NAV1: variants seen among roughly 807,000 people sequenced by gnomAD.
NAV1 encodes the protein pore membrane and/or filament interacting like protein 3.
In NAV1, 18 loss-of-function variants were observed where a neutral mutation model predicts 175.2. That is an observed-to-expected ratio of 0.10 (90% CI 0.07 to 0.15). The LOEUF is 0.15. Ranked by LOEUF, NAV1 falls within the 10% of genes least tolerant of loss-of-function variation. NAV1 has a pLI of 1.00. For missense variants in NAV1, 1,731 were observed against 2,436.6 expected, an observed-to-expected ratio of 0.71 and a Z score of 6.10; for synonymous variants, 897 against 978.7, an observed-to-expected ratio of 0.92 and a Z score of 1.56.
chr1:201,543,186 A>T (rs1286082037), intron 1 of NAV1, among the ~76,000 whole-genome samples: 2 of 152,220 alleles, frequency 1.3e-5, no homozygotes, highest in African/African-American at 4.8e-5. Context: ...GTGAAAGCAG[A>T]CATCCTTCTC....
Position 201,568,867 on chromosome 1 carries a change from T to C in NAV1, c.-143-19672T>C, listed in dbSNP as rs552312000. 9.2e-5 allele frequency among the ~76,000 whole-genome samples: 14 copies of C among 152,072 alleles called. No homozygotes were observed. The South Asian group carries it at 2.9e-3, about 31-fold the overall frequency. On this transcript the variant is annotated intron_variant, in intron 1 of 33. Transcript: ENST00000685211. Reference sequence around the variant, plus strand: ...AGTCTAAAAGTTCAGATGTGCCTCATGCATGCGCAGAAGTTTGCGGGGGTC... The same window carrying C: ...AGTCTAAAAGTTCAGATGTGCCTCACGCATGCGCAGAAGTTTGCGGGGGTC...
intron 1 of NAV1, among the ~76,000 whole-genome samples, chr1:201,562,960 G>C (rs543083955): frequency 3.9e-5 from 6 of 152,344 alleles, no homozygotes; most frequent in African/African-American, 1.4e-4. Context: ...AACAGCCTAG[G>C]ACGGTGGGTG....
chr1:201,642,638 C>T (rs1433891042), intron 2 of NAV1, among the ~76,000 whole-genome samples: 2 of 148,142 alleles, frequency 1.4e-5, no homozygotes, highest in Non-Finnish European at 3.0e-5. Context: ...TTCCTTCCTT[C>T]CTTCCTCCCT....
chr1:201,802,470 A>AAAG (rs1553278326), intron 15 of NAV1, among the ~76,000 whole-genome samples: 1 of 129,008 alleles, frequency 7.8e-6, no homozygotes, highest in Non-Finnish European at 1.7e-5. Context: ...AAAAAAAAAA[A>AAAG]AAAAAAGAAA....
intron 1 of NAV1, among the ~76,000 whole-genome samples, chr1:201,699,562 A>G (rs760143735): frequency 3.9e-4 from 59 of 152,340 alleles, no homozygotes; most frequent in Non-Finnish European, 7.2e-4. Context: ...GCTACCAATG[A>G]CTTTCTTCGC....
At chr1:201,693,508 C>G (rs1248612514) in intron 1 of NAV1, among the ~76,000 whole-genome samples, 10 of 152,144 alleles carry the variant, frequency 6.6e-5, no homozygotes, top group Admixed American at 5.9e-4. Flanking sequence ...GTGGAGGAGA[C>G]AAGACCAGCA....
intron 3 of NAV1, chr1:201,724,339 G>A (rs984111927): frequency 2.0e-5 from 3 of 152,214 alleles, no homozygotes; most frequent in Non-Finnish European, 4.4e-5. Flanking sequence ...GGGAATAGAG[G>A]ATGGGTACCC....
At chr1:201,589,752 G>A (rs940851990) in intron 2 of NAV1, among the ~76,000 whole-genome samples, 16 of 152,092 alleles carry the variant, frequency 1.1e-4, no homozygotes, top group Admixed American at 2.0e-4. Flanking sequence ...TTGGCCTCCC[G>A]AAGAGCTGGG....
At chr1:201,814,841 C>T (rs969095009) in intron 28 of NAV1, among the ~76,000 whole-genome samples, 57 of 151,734 alleles carry the variant, frequency 3.8e-4, no homozygotes, top group African/African-American at 1.4e-3. Flanking sequence ...AGATCGAGAC[C>T]GTCGTGGCTA....
intron 1 of NAV1, among the ~76,000 whole-genome samples, chr1:201,683,214 T>G (rs1256473): frequency 0.85 from 128,664 of 152,168 alleles, 54,486 homozygotes; most frequent in East Asian, 0.93. Context: ...CCTGCAGTGG[T>G]TTTAACTGAT....
At chr1:201,729,257 C>CT (rs1383549023) in intron 3 of NAV1, among the ~76,000 whole-genome samples, 1 of 152,260 alleles carries the variant, frequency 6.6e-6, no homozygotes, top group East Asian at 1.9e-4. Context: ...GATCCCAGCT[C>CT]TGAGTCTTTG....
chr1:201,790,884 A>G, intron 13 of NAV1, 118 bp downstream of exon 17: 1 of 888,746 alleles, frequency 1.1e-6, no homozygotes, highest in African/African-American at 1.7e-5. Flanking sequence ...CGTCAAGGGC[A>G]TGCGTCTTCT....
intron 1 of NAV1, among the ~76,000 whole-genome samples, chr1:201,695,929 A>G (rs549782822): frequency 2.0e-5 from 3 of 152,302 alleles, no homozygotes; most frequent in Non-Finnish European, 4.4e-5. Context: ...TCCTCTTCGT[A>G]TCCCTGCCCT....
Position 201,807,905 on chromosome 1 carries a change from C to G in NAV1, c.3649-48C>G, listed in dbSNP as rs1678405634. The G allele has an allele frequency of 6.3e-7, 1 of 1,580,410 alleles. No individual in the cohort carries two copies. Among genetic ancestry groups the G allele is most frequent in the African/African-American group, 1.3e-5 (1 of 74,210 alleles). On this transcript the variant is annotated intron_variant, in intron 17 of 29. Coordinates refer to ENST00000367296, the Ensembl canonical transcript of NAV1. The surrounding 1 kb of genome is among the most constrained non-coding windows in gnomAD (Gnocchi z 5.4). ...GTCTCAATCCAGTCCTCCCCCATCC[C>G]AGTAGTGGAGTCCTAATGTCCCTCT...
At chr1:201,786,349 G>C in intron 8 of NAV1, 80 bp from the exon 13 acceptor site, 1 of 1,432,060 alleles carries the variant, frequency 7.0e-7, no homozygotes. Context: ...CTCCAGCCTA[G>C]TTCAGACACC....
intron 3 of NAV1, among the ~76,000 whole-genome samples, chr1:201,720,392 C>A (rs1303045067): frequency 6.6e-6 from 1 of 152,176 alleles, no homozygotes; most frequent in South Asian, 2.1e-4. Context: ...AGGACCCCTG[C>A]CCAGCACAGC....
chr1:201,562,171 A>ATTTTTT (rs566214709), intron 1 of NAV1, among the ~76,000 whole-genome samples: 18,918 of 126,914 alleles, frequency 0.15, 2,316 homozygotes, highest in African/African-American at 0.29. Flanking sequence ...TGCCTGGCTA[A>ATTTTTT]TTTTTTTTTT....
intron 2 of NAV1, among the ~76,000 whole-genome samples, chr1:201,630,610 G>A (rs890009691): frequency 2.6e-5 from 4 of 152,206 alleles, no homozygotes; most frequent in Non-Finnish European, 5.9e-5. Flanking sequence ...TAAAAACAGA[G>A]CAGCAACACT....
intron 2 of NAV1, 163 bp downstream of exon 4, chr1:201,629,670 C>A: frequency 2.5e-6 from 1 of 395,812 alleles, no homozygotes; most frequent in Non-Finnish European, 4.5e-6. Context: ...TGACTCAACC[C>A]AGGGTTGGTC....
Sources: gnomAD v4.1 joint callset for allele counts (sites outside exome capture counted in the v4.1 genomes callset) on GRCh38, gnomAD v4.1.1 for gene constraint, Gnocchi (gnomAD v3.1) non-coding constraint, MANE v1.5 for transcripts, NCBI Gene and HGNC (gene_info 2026-07-23, HGNC 2026-07-21) for gene names.